IRAK2: variants seen among roughly 807,000 people sequenced by gnomAD.
IRAK2 encodes interleukin-1 receptor-associated kinase-like 2.
Under a neutral mutation model 72.0 loss-of-function variants are expected in IRAK2, and 57 were observed. That is an observed-to-expected ratio of 0.79 (90% confidence interval 0.64 to 0.99). The LOEUF (loss-of-function observed/expected upper bound fraction) is 0.99, where lower values mean the gene tolerates loss of function less well. IRAK2 is among the 50% of genes least tolerant of loss of function. The pLI, the probability that IRAK2 is intolerant of heterozygous loss-of-function variation, is 0.00. For missense variants in IRAK2, 790 were observed against 794.4 expected, an observed-to-expected ratio of 0.99 and a Z score of 0.07; for synonymous variants, 293 against 312.7, an observed-to-expected ratio of 0.94 and a Z score of 0.67.
chr3:10,209,983 G>A (rs544891252), intron 4 of IRAK2, among the ~76,000 whole-genome samples: 12 of 152,194 alleles, frequency 7.9e-5, no homozygotes, highest in African/African-American at 2.7e-4. Context: ...GCAGTGGCAC[G>A]ATCTCGGGTC....
intron 1 of IRAK2, among the ~76,000 whole-genome samples, chr3:10,171,050 C>G (rs1252417217): frequency 1.3e-5 from 2 of 152,258 alleles, no homozygotes; most frequent in Non-Finnish European, 2.9e-5. Context: ...CAGCCACGCT[C>G]TTTCAGATCC....
chr3:10,204,232 C>G (rs1028068312), intron 3 of IRAK2, among the ~76,000 whole-genome samples: 4 of 152,196 alleles, frequency 2.6e-5, no homozygotes, highest in African/African-American at 9.6e-5. Context: ...TTTGAGAAAG[C>G]TCAGATAAGT....
At chr3:10,235,921 C>G (rs1697950447) in intron 11 of IRAK2, among the ~76,000 whole-genome samples, 1 of 152,148 alleles carries the variant, frequency 6.6e-6, no homozygotes, top group South Asian at 2.1e-4. Context: ...ACAGGTGTCC[C>G]CCAAGTGTCC....
intron 2 of IRAK2, among the ~76,000 whole-genome samples, chr3:10,189,555 C>G (rs749319440): frequency 3.3e-5 from 5 of 152,250 alleles, no homozygotes; most frequent in Non-Finnish European, 7.3e-5. Context: ...CCAAGGTTTT[C>G]TCTTCCCATC....
At chr3:10,216,873 T>C in intron 6 of IRAK2, 61 bp from the exon 7 acceptor site, 3 of 1,264,878 alleles carry the variant, frequency 2.4e-6, no homozygotes, top group Non-Finnish European at 3.5e-6. Flanking sequence ...GGGTGGGACA[T>C]GAGGAAGTAG....
chr3:10,203,655 CAG>C (rs1697397106), intron 3 of IRAK2, among the ~76,000 whole-genome samples: 2 of 152,246 alleles, frequency 1.3e-5, no homozygotes, highest in South Asian at 4.1e-4. Context: ...TTTTTTGAGA[CAG>C]AGTCTCGCTC....
intron 2 of IRAK2, among the ~76,000 whole-genome samples, chr3:10,197,222 A>G (rs1161750855): frequency 6.6e-6 from 1 of 151,714 alleles, no homozygotes; most frequent in Admixed American, 6.6e-5. Context: ...TACTAAAAAT[A>G]CAGAAAAAAA....
At chr3:10,165,074 G>C in intron 1 of IRAK2, 26 bp downstream of exon 1, 1 of 1,583,676 alleles carries the variant, frequency 6.3e-7, no homozygotes, top group Non-Finnish European at 8.6e-7. Context: ...GGAGGGGAGG[G>C]GACCAGGGCG....
intron 9 of IRAK2, among the ~76,000 whole-genome samples, chr3:10,225,969 G>C (rs1697769506): frequency 6.6e-6 from 1 of 152,088 alleles, no homozygotes; most frequent in African/African-American, 2.4e-5. Flanking sequence ...AAAGTGCTGG[G>C]ATTACAGGCA....
intron 1 of IRAK2, 63 bp from the exon 2 acceptor site, chr3:10,177,774 TG>T: frequency 6.6e-7 from 1 of 1,518,784 alleles, no homozygotes; most frequent in Non-Finnish European, 9.1e-7. Flanking sequence ...GGGGCTAGTG[TG>T]GGGACCTGTC....
At chr3:10,219,910 C>T (rs11465911) in intron 8 of IRAK2, 121 bp downstream of exon 8, 249,536 of 677,062 alleles carry the variant, frequency 0.37, 47,884 homozygotes, top group Admixed American at 0.45. Flanking sequence ...CTCTTCCTAC[C>T]TCCTCTCCTC....
chr3:10,240,764 G>C (rs1048724099), intron 12 of IRAK2, among the ~76,000 whole-genome samples: 3 of 151,006 alleles, frequency 2.0e-5, no homozygotes, highest in African/African-American at 7.3e-5. Context: ...TCTCCATGTT[G>C]GTCAGGCTGG....
At chr3:10,169,205 T>G (rs945344263) in intron 1 of IRAK2, among the ~76,000 whole-genome samples, 4 of 152,038 alleles carry the variant, frequency 2.6e-5, no homozygotes, top group Non-Finnish European at 5.9e-5. Flanking sequence ...AAGGCAAAGG[T>G]GAAATTAGAA....
At chr3:10,226,292 A>G in intron 9 of IRAK2, 79 bp from the exon 10 acceptor site, 1 of 1,211,026 alleles carries the variant, frequency 8.3e-7, no homozygotes, top group Non-Finnish European at 1.2e-6. Context: ...CTCAGAACTG[A>G]GAAGAGAAGA....
intron 3 of IRAK2, among the ~76,000 whole-genome samples, chr3:10,203,634 T>G (rs1449622519): frequency 2.0e-5 from 3 of 152,072 alleles, no homozygotes; most frequent in Non-Finnish European, 4.4e-5. Context: ...AAAATATGTT[T>G]GTTTGTTTTG....
chr3:10,213,613 A>G, intron 6 of IRAK2, 65 bp downstream of exon 6: 1 of 1,284,658 alleles, frequency 7.8e-7, no homozygotes, highest in Non-Finnish European at 1.1e-6. Flanking sequence ...CTGTGTGCCC[A>G]GTCATGTTTT....
At chr3:10,201,247 C>T (rs942392446) in intron 3 of IRAK2, among the ~76,000 whole-genome samples, 1 of 152,200 alleles carries the variant, frequency 6.6e-6, no homozygotes, top group Admixed American at 6.5e-5. Flanking sequence ...TAAAGCACAG[C>T]GAGGTTAACC....
chr3:10,216,398 T>C lies in IRAK2; in HGVS notation c.789-536T>C, dbSNP rs545818498. On this transcript the variant is annotated intron_variant, in intron 6 of 12. Transcript: ENST00000256458. ...ATAAGAGATTTGGGAATATTCCTTATAGCAATGGGAGGTTCCTGGAGGAGC... is the reference window on the plus strand; with the variant it reads ...ATAAGAGATTTGGGAATATTCCTTACAGCAATGGGAGGTTCCTGGAGGAGC... Among the ~76,000 whole-genome samples, 263 of 152,134 alleles carry C rather than the reference T, an allele frequency of 1.7e-3. 2 individuals are homozygous for C. The highest frequency in any genetic ancestry group is 2.2e-3 in the Non-Finnish European group (152 of 68,008).
intron 2 of IRAK2, among the ~76,000 whole-genome samples, chr3:10,182,523 C>T (rs1490693784): frequency 2.0e-5 from 3 of 151,712 alleles, no homozygotes; most frequent in South Asian, 2.1e-4. Flanking sequence ...CCACGTGATC[C>T]GCCCGCCTCG....
Sources: allele counts gnomAD v4.1 joint callset (sites outside exome capture counted in the v4.1 genomes callset), GRCh38; gene constraint gnomAD v4.1.1; transcripts MANE v1.5; gene names NCBI Gene and HGNC (gene_info 2026-07-23, HGNC 2026-07-21).